Variants in GRIK4 observed in about 807,000 individuals in gnomAD.
GRIK4 encodes the protein glutamate ionotropic receptor kainate type subunit 4.
In GRIK4, 40 loss-of-function variants were observed where a neutral mutation model predicts 104.9. That is an observed-to-expected ratio of 0.38 (90% CI 0.30 to 0.50). The LOEUF (loss-of-function observed/expected upper bound fraction) is 0.50. Ranked by LOEUF, GRIK4 falls within the 20% of genes least tolerant of loss-of-function variation. The pLI, the probability that GRIK4 is intolerant of heterozygous loss-of-function variation, is 0.93. For synonymous variants in GRIK4, 485 were observed against 524.9 expected (o/e 0.92, Z 1.04); for missense variants, 1,047 against 1,308.1 (o/e 0.80, Z 3.08).
At chr11:120,856,004 G>A (rs1954096059) in intron 8 of GRIK4, among the ~76,000 whole-genome samples, 1 of 152,242 alleles carries the variant, frequency 6.6e-6, no homozygotes, top group Admixed American at 6.5e-5. Flanking sequence ...AGTTCAGGGG[G>A]ACCAGGAAAA....
intron 3 of GRIK4, among the ~76,000 whole-genome samples, chr11:120,733,778 C>T (rs1394008320): frequency 6.6e-6 from 1 of 150,434 alleles, no homozygotes; most frequent in Non-Finnish European, 1.5e-5. Context: ...TGCTCTGTCA[C>T]CCAGGCTAGA....
chr11:120,693,297 G>T (rs1193485988), intron 3 of GRIK4, among the ~76,000 whole-genome samples: 2 of 144,158 alleles, frequency 1.4e-5, no homozygotes, highest in African/African-American at 2.6e-5. Flanking sequence ...TAGAGATAGG[G>T]TTTCACCATG....
chr11:120,682,531 T>G (rs1009830790), intron 3 of GRIK4, among the ~76,000 whole-genome samples: 9 of 152,136 alleles, frequency 5.9e-5, no homozygotes, highest in Non-Finnish European at 1.2e-4. Context: ...AGAGGCTTCC[T>G]GATTTAGGGC....
chr11:120,770,439 C>T (rs1407971490), intron 3 of GRIK4, among the ~76,000 whole-genome samples: 2 of 152,216 alleles, frequency 1.3e-5, no homozygotes, highest in Admixed American at 1.3e-4. Flanking sequence ...TTCTCAGTCC[C>T]ATCACTGTAT....
chr11:120,697,015 A>G (rs112320856), intron 3 of GRIK4, among the ~76,000 whole-genome samples: 2,125 of 152,168 alleles, frequency 0.014, 44 homozygotes, highest in African/African-American at 0.046. Context: ...GACGTTTGTT[A>G]TGTTTCTTCT....
intron 20 of GRIK4, 145 bp from the exon 21 acceptor site, chr11:120,985,759 G>T (rs977494623): frequency 5.7e-5 from 38 of 667,474 alleles, no homozygotes; most frequent in Admixed American, 8.7e-5. Context: ...GTGAGGAGAT[G>T]GACTGAAAGG....
chr11:120,741,681 C>T (rs1951337006), intron 3 of GRIK4, among the ~76,000 whole-genome samples: 1 of 152,136 alleles, frequency 6.6e-6, no homozygotes, highest in African/African-American at 2.4e-5. Context: ...TGTGAGTGCC[C>T]CACAGGGTAT....
In GRIK4 at chr11:120,541,520, G is replaced by C. The variant is rs565134498; in HGVS notation, c.-159+29633G>C. Among the ~76,000 whole-genome samples the C allele has an allele frequency of 4.0e-5, 6 of 151,730 alleles. No homozygotes were observed. In the East Asian group the frequency reaches 9.6e-4, roughly 24 times the overall value. Reference sequence around the variant, plus strand: ...ACTCTTTTTTTTTTTCTGAGGTAGCGCCTTGCTCTGTCGTCCAGGGTGGAG... The same window carrying C: ...ACTCTTTTTTTTTTTCTGAGGTAGCCCCTTGCTCTGTCGTCCAGGGTGGAG... On this transcript the variant is annotated intron_variant, in intron 1 of 20. Transcript: ENST00000527524.
chr11:120,760,919 G>A (rs771487973), intron 3 of GRIK4, among the ~76,000 whole-genome samples: 1 of 152,144 alleles, frequency 6.6e-6, no homozygotes, highest in East Asian at 1.9e-4. Flanking sequence ...ATGTGTGCAC[G>A]TATCTTTAGA....
chr11:120,821,048 A>G lies in GRIK4; in HGVS notation c.511+1128A>G, dbSNP rs142594941. Among the ~76,000 whole-genome samples the G allele has an allele frequency of 1.3e-3, 194 of 152,304 alleles. 1 individual carries two copies. Among genetic ancestry groups the G allele is most frequent in the African/African-American group, 4.4e-3 (181 of 41,560 alleles). The stretch of plus-strand genomic sequence containing the variant: ...GGAAGTTGAGACTCTAGGAGGTGAA[A>G]TGACTTGCCCAAGGCCACACAACTT... On this transcript the variant is annotated intron_variant, in intron 6 of 20. Transcript: ENST00000527524.
At chr11:120,871,508 A>G (rs1383172216) in intron 9 of GRIK4, 4 of 425,488 alleles carry the variant, frequency 9.4e-6, no homozygotes, top group African/African-American at 2.0e-5. Context: ...ACCTCATCCT[A>G]GCTCAGCAAG....
chr11:120,550,829 C>A (rs146242171), intron 1 of GRIK4, among the ~76,000 whole-genome samples: 1 of 151,990 alleles, frequency 6.6e-6, no homozygotes, highest in South Asian at 2.1e-4. Flanking sequence ...AGGAGAGGAA[C>A]GGAGGAGTGG....
chr11:120,600,545 G>A (rs1948871773), intron 1 of GRIK4, among the ~76,000 whole-genome samples: 1 of 152,084 alleles, frequency 6.6e-6, no homozygotes, highest in African/African-American at 2.4e-5. Flanking sequence ...AGGGATGCTG[G>A]TCTTTGTTTT....
At chr11:120,695,148 G>T (rs1950422309) in intron 3 of GRIK4, among the ~76,000 whole-genome samples, 1 of 152,174 alleles carries the variant, frequency 6.6e-6, no homozygotes, top group South Asian at 2.1e-4. Context: ...GGAGGTCAGG[G>T]AGCCTTGGGA....
chr11:120,797,254 G>A (rs1399223153), intron 3 of GRIK4, among the ~76,000 whole-genome samples: 3 of 152,156 alleles, frequency 2.0e-5, no homozygotes, highest in African/African-American at 7.2e-5. Context: ...GTGGCTCGGG[G>A]CTTCTCTGCA....
chr11:120,935,034 T>G (rs576331903), intron 13 of GRIK4, among the ~76,000 whole-genome samples: 27 of 152,206 alleles, frequency 1.8e-4, no homozygotes, highest in Non-Finnish European at 3.2e-4. Context: ...GTCATCAGTT[T>G]CCTCCTCAGA....
rs764175117 is a variant in GRIK4 at position 120,961,089 on chromosome 11, GT to G, written c.2040+17del. The G allele has an allele frequency of 6.2e-7, 1 of 1,611,700 alleles. No homozygotes were observed. The highest frequency in any genetic ancestry group is 1.1e-5 in the South Asian group (1 of 90,722). On this transcript the variant is annotated intron_variant, in intron 17 of 20. Transcript: ENST00000527524. ...CCTTCTTCCAAGTAAACCCCATTTG[GT>G]TGCTCACCAGCATCGGGAATTGGGC...
chr11:120,611,434 ATGCATGCACGTGTG>A (rs1949036492), intron 1 of GRIK4, among the ~76,000 whole-genome samples: 1 of 152,232 alleles, frequency 6.6e-6, no homozygotes. Flanking sequence ...GCGTGTCTGC[ATGCATGCACGTGTG>A]TGTGTGAAAT....
At chr11:120,755,640 TAAA>T in intron 3 of GRIK4, among the ~76,000 whole-genome samples, 1 of 148,768 alleles carries the variant, frequency 6.7e-6, no homozygotes, top group East Asian at 1.9e-4. Context: ...CCAAAGATAA[TAAA>T]TAATAATAAT....
Sources: allele counts gnomAD v4.1 joint callset (sites outside exome capture counted in the v4.1 genomes callset), GRCh38; gene constraint gnomAD v4.1.1; transcripts MANE v1.5; gene names NCBI Gene and HGNC (gene_info 2026-07-23, HGNC 2026-07-21).